DNMT1: variants seen among roughly 807,000 people sequenced by gnomAD.
The protein encoded by DNMT1 is DNA methyltransferase 1.
In DNMT1, 24 loss-of-function variants were observed where a neutral mutation model predicts 205.3. The ratio of observed to expected loss-of-function variants is 0.12; its 90% confidence interval spans 0.08 to 0.16. DNMT1 has a LOEUF of 0.16. Ranked by LOEUF, DNMT1 falls within the 10% of genes least tolerant of loss-of-function variation. The pLI, the probability that DNMT1 is intolerant of heterozygous loss-of-function variation, is 1.00. For missense variants in DNMT1, 1,293 were observed against 2,177.7 expected (o/e 0.59, Z 8.09); for synonymous variants, 817 against 839.8 (o/e 0.97, Z 0.47).
chr19:10,136,810 G>C (rs1013930450), intron 37 of DNMT1, among the ~76,000 whole-genome samples: 1 of 151,392 alleles, frequency 6.6e-6, no homozygotes, highest in African/African-American at 2.4e-5. Context: ...CCAGGCTGGA[G>C]TGCAATGGCA....
chr19:10,149,653 T>C lies in DNMT1; in HGVS notation c.2386A>G (p.Thr796Ala), dbSNP rs899735320. 10 of 1,613,452 alleles carry C rather than the reference T, an allele frequency of 6.2e-6. No individual in the cohort carries two copies. The Admixed American group carries it at 1.0e-4, about 16-fold the overall frequency. The part of the protein sequence containing the change: ...SSKPLYLARV[T>A]ALWEDSSNGQ... ...TTGCTGCTGTCCTCCCACAGCGCCG[T>C]GACCCTGGAATCAGAAGACGGGCAT... Residue 796 changes from threonine to alanine, a missense_variant, in exon 26 of 41, where the codon ACG (threonine) becomes GCG (alanine). Transcript: ENST00000359526.
At chr19:10,172,381 G>A (rs1333226974) in intron 9 of DNMT1, among the ~76,000 whole-genome samples, 1 of 150,482 alleles carries the variant, frequency 6.6e-6, no homozygotes, top group Non-Finnish European at 1.5e-5. Flanking sequence ...ATTCCAGCCT[G>A]GGCAACAGAG....
Position 10,159,877 on chromosome 19 carries a change from G to T in DNMT1, c.1135C>A (p.Pro379Thr). The T allele has an allele frequency of 6.2e-7, 1 of 1,614,226 alleles. No homozygotes were observed. The highest frequency in any genetic ancestry group is 8.5e-7 in the Non-Finnish European group (1 of 1,180,040). The change falls in exon 16 of 41, where the codon CCT becomes ACT. Residue 379 changes from proline to threonine, a missense_variant. This residue lies in a region of DNMT1 where 120 missense variants were observed against 315.9 expected (regional missense o/e 0.38). Coordinates refer to ENST00000359526, the MANE Select transcript of DNMT1 (RefSeq NM_001130823.3). The surrounding 1 kb of genome is among the most constrained non-coding windows in gnomAD (Gnocchi z 5.0). ...GGGTGCTGCCCATATTTGAGGTCAG[G>T]GTCGTCCAGGTACTGCCCGCACTGA... is the stretch of plus-strand genomic sequence containing the variant. ...CIQCGQYLDD[P>T]DLKYGQHPPD... is the part of the protein sequence containing the mutation.
In DNMT1 at chr19:10,146,274, A is replaced by G; in HGVS notation, c.2894+77T>C. 6.4e-7 allele frequency: 1 copy of G among 1,559,494 alleles called. No individual in the cohort carries two copies. The stretch of plus-strand genomic sequence containing the variant: ...GTGCGGAGGGATTGGCAATGTCTGT[A>G]AGGAGGGGGACACCACAAAGCCAGC... On this transcript the variant is annotated intron_variant, in intron 28 of 40. Transcript: ENST00000359526. The surrounding 1 kb of genome is among the most constrained non-coding windows in gnomAD (Gnocchi z 4.4).
chr19:10,164,678 A>G (rs964171606), intron 11 of DNMT1, among the ~76,000 whole-genome samples: 15 of 152,066 alleles, frequency 9.9e-5, no homozygotes, highest in Non-Finnish European at 2.2e-4. Context: ...ACATAATCCC[A>G]GCACCTTGGG....
intron 13 of DNMT1, among the ~76,000 whole-genome samples, chr19:10,161,560 T>C (rs189326156): frequency 3.4e-3 from 512 of 152,182 alleles, no homozygotes; most frequent in Non-Finnish European, 4.9e-3. Context: ...GGTGGGAGGA[T>C]TGCTTCAGCC....
intron 22 of DNMT1, among the ~76,000 whole-genome samples, chr19:10,152,436 G>C (rs1568232979): frequency 6.6e-6 from 1 of 151,404 alleles, no homozygotes; most frequent in Non-Finnish European, 1.5e-5. Context: ...AGACCAGCCT[G>C]GGCAACATAT....
At chr19:10,174,173 C>T (rs2038885436) in intron 7 of DNMT1, among the ~76,000 whole-genome samples, 1 of 152,158 alleles carries the variant, frequency 6.6e-6, no homozygotes, top group East Asian at 1.9e-4. Context: ...GTAAAAGAAT[C>T]AAAGATTCTC....
At chr19:10,194,248 G>A (rs1048314080) in intron 1 of DNMT1, among the ~76,000 whole-genome samples, 2 of 152,202 alleles carry the variant, frequency 1.3e-5, no homozygotes, top group African/African-American at 2.4e-5. Flanking sequence ...AGTACCCCAC[G>A]GAAGGCTGGG....
chr19:10,137,080 C>T lies in DNMT1; in HGVS notation c.4489+5G>A. On this transcript the variant is annotated splice_donor_5th_base_variant and intron_variant, in intron 37 of 40. Coordinates refer to ENST00000359526, the MANE Select transcript of DNMT1 (RefSeq NM_001130823.3). This position sits in a 1 kb window ranked among gnomAD's most constrained non-coding sequence, Gnocchi z 6.4. ...CCACCGGGAACCACAACTTACAGGA[C>T]CCACCTTCCACGCAGGAGCAGACCC... The T allele has an allele frequency of 6.2e-7, 1 of 1,611,430 alleles. No individual in the cohort carries two copies. Among genetic ancestry groups the T allele is most frequent in the Non-Finnish European group, 8.5e-7 (1 of 1,179,352 alleles).
intron 34 of DNMT1, 30 bp downstream of exon 34, chr19:10,139,646 C>T (rs1399092808): frequency 1.2e-6 from 2 of 1,607,438 alleles, no homozygotes; most frequent in East Asian, 2.2e-5. Flanking sequence ...CTGGCCACAT[C>T]TGTCTGCCCG....
intron 12 of DNMT1, 127 bp from the exon 13 acceptor site, chr19:10,162,875 G>T: frequency 2.0e-6 from 2 of 988,488 alleles, no homozygotes; most frequent in Non-Finnish European, 3.1e-6. Context: ...AGCTCTATAG[G>T]CACACTGCCA....
In DNMT1 at chr19:10,173,872, G is replaced by T. The variant is rs748945569; in HGVS notation, c.682C>A (p.Arg228=). ...EKRRRVTSRE[R]VARPLPAEEP... ...GAAAGGTATAGTAACTATTCTTACC[G>T]TTCTCTGGATGTAACTCTACGTCTC... The change falls in exon 8 of 41, where the codon CGA becomes AGA. Residue 228 remains arginine, a splice_region_variant and synonymous_variant. Coordinates refer to ENST00000359526, the MANE Select transcript of DNMT1 (RefSeq NM_001130823.3). 5 of 1,613,756 alleles carry T rather than the reference G, an allele frequency of 3.1e-6. No individual in the cohort carries two copies. In the South Asian group the frequency reaches 4.4e-5, roughly 14 times the overall value.
Position 10,139,711 on chromosome 19 carries a change from G to A in DNMT1, c.3913C>T (p.Arg1305Cys), listed in dbSNP as rs200312526. The A allele has an allele frequency of 2.2e-5, 36 of 1,613,660 alleles. No homozygotes were observed. The Middle Eastern group carries it at 5.0e-4, about 22-fold the overall frequency. ...CCGAAGGTGCACTGATAGCCCATGC[G>A]GACCAGGCAGCGGAGGGTGAGCTTC... ...VLKLTLRCLV[R>C]MGYQCTFGVL... Residue 1305 changes from arginine to cysteine, a missense_variant, in exon 34 of 41, where the codon CGC becomes TGC. Physicochemically the swap from Arg to Cys is radical, Grantham distance 180. Around this residue, in one of 13 missense-constraint regions of DNMT1, gnomAD observed 38 missense variants for 141.1 expected, o/e 0.27. Transcript: ENST00000359526.
At position 10,151,690 on chromosome 19, in the gene DNMT1, G is replaced by T. The variant is rs2038345921; in HGVS notation, c.2117+60C>A. On this transcript the variant is annotated intron_variant, in intron 23 of 40. Transcript: ENST00000359526. This position sits in a 1 kb window ranked among gnomAD's most constrained non-coding sequence, Gnocchi z 5.0. ...CCACACATGCAGGCCCTTCTCCACA[G>T]TGCATCTGCCACCAGCTGGCAAGTC... is the stretch of plus-strand genomic sequence containing the variant. 2 of 1,608,728 alleles carry T rather than the reference G, an allele frequency of 1.2e-6. No homozygotes were observed. Among genetic ancestry groups the T allele is most frequent in the South Asian group, 2.2e-5 (2 of 90,968 alleles).
chr19:10,153,518 T>C (rs879867445), intron 22 of DNMT1, among the ~76,000 whole-genome samples: 172 of 151,566 alleles, frequency 1.1e-3, no homozygotes, highest in Non-Finnish European at 1.9e-3. Context: ...GTGCCTATAA[T>C]CCCAGCCACT....
At chr19:10,139,217 C>T (rs1014452420) in intron 34 of DNMT1, among the ~76,000 whole-genome samples, 2 of 152,222 alleles carry the variant, frequency 1.3e-5, no homozygotes, top group African/African-American at 2.4e-5. Flanking sequence ...TGGAGTGCAA[C>T]CCTCGGCCAT....
At chr19:10,161,210 CAGG>C (rs1409253010) in intron 13 of DNMT1, among the ~76,000 whole-genome samples, 2 of 152,174 alleles carry the variant, frequency 1.3e-5, no homozygotes, top group Non-Finnish European at 2.9e-5. Context: ...GAGGCTGAGG[CAGG>C]AGAATAGCTT....
At chr19:10,174,136 T>A (rs117514679) in intron 7 of DNMT1, among the ~76,000 whole-genome samples, 53 of 152,304 alleles carry the variant, frequency 3.5e-4, no homozygotes, top group East Asian at 1.2e-3. Context: ...ACACTGCCCA[T>A]CACTAGAGAT....
Sources: gnomAD v4.1 joint callset for allele counts (sites outside exome capture counted in the v4.1 genomes callset) on GRCh38, gnomAD v4.1.1 for gene constraint, gnomAD v4.1.1 regional missense constraint, Gnocchi (gnomAD v3.1) non-coding constraint, MANE v1.5 for transcripts, NCBI Gene and HGNC (gene_info 2026-07-23, HGNC 2026-07-21) for gene names.